Variants in GRM7 observed in about 807,000 individuals in gnomAD.
GRM7 encodes the protein glutamate metabotropic receptor 7, also known as metabotropic glutamate receptor 7.
Under a neutral mutation model 84.5 loss-of-function variants are expected in GRM7, and 35 were observed. The observed-to-expected ratio is 0.41, with a 90% CI of 0.32 to 0.55. The LOEUF (loss-of-function observed/expected upper bound fraction) is 0.55. Among genes scored for constraint, GRM7 ranks in the 20% least tolerant of loss-of-function variants. The pLI is 0.19. For synonymous variants in GRM7, 487 were observed against 455.1 expected, an observed-to-expected ratio of 1.07 and a Z score of -0.89; for missense variants, 1,003 against 1,194.6, an observed-to-expected ratio of 0.84 and a Z score of 2.36.
At chr3:7,602,080 C>CAAAAA (rs562646639) in intron 8 of GRM7, among the ~76,000 whole-genome samples, 10 of 93,790 alleles carry the variant, frequency 1.1e-4, no homozygotes, top group African/African-American at 1.7e-4. Flanking sequence ...ATTACCAGGA[C>CAAAAA]AAAAAAAAAA....
At chr3:7,407,620 T>TA (rs1695739463) in intron 4 of GRM7, among the ~76,000 whole-genome samples, 1 of 152,168 alleles carries the variant, frequency 6.6e-6, no homozygotes. Context: ...TGAGGAAAAG[T>TA]AGGTGCCGCT....
At chr3:7,111,213 G>A (rs1219389104) in intron 1 of GRM7, among the ~76,000 whole-genome samples, 1 of 152,108 alleles carries the variant, frequency 6.6e-6, no homozygotes, top group African/African-American at 2.4e-5. Context: ...CCTGCCACGA[G>A]GATGGATTCC....
At chr3:7,140,426 A>G (rs1693910546) in intron 1 of GRM7, among the ~76,000 whole-genome samples, 1 of 152,044 alleles carries the variant, frequency 6.6e-6, no homozygotes, top group Non-Finnish European at 1.5e-5. Context: ...TTAAAGGGGA[A>G]TTGTAGCACA....
At chr3:7,002,034 C>T (rs1695029373) in intron 1 of GRM7, among the ~76,000 whole-genome samples, 1 of 152,278 alleles carries the variant, frequency 6.6e-6, no homozygotes, top group Middle Eastern at 3.4e-3. Flanking sequence ...TAAGTTATAG[C>T]TGCAACATTC....
At chr3:7,609,172 A>AAGTG (rs1407086991) in intron 8 of GRM7, among the ~76,000 whole-genome samples, 1 of 152,174 alleles carries the variant, frequency 6.6e-6, no homozygotes, top group Non-Finnish European at 1.5e-5. Context: ...CAACTCCTCA[A>AAGTG]AGTGGCAAGA....
chr3:7,424,688 GCTGCACTGGGCCAGTTT>G (rs1284738375), intron 5 of GRM7, among the ~76,000 whole-genome samples: 1 of 152,162 alleles, frequency 6.6e-6, no homozygotes, highest in Non-Finnish European at 1.5e-5. Context: ...TGACAAGTGA[GCTGCACTGGGCCAGTTT>G]CTGTGCTGAG....
chr3:7,140,248 A>G (rs1693904560), intron 1 of GRM7, among the ~76,000 whole-genome samples: 1 of 152,050 alleles, frequency 6.6e-6, no homozygotes, highest in South Asian at 2.1e-4. Context: ...GTGAGAAGTT[A>G]TAAGACTAAA....
intron 7 of GRM7, among the ~76,000 whole-genome samples, chr3:7,555,100 T>C (rs1693693384): frequency 1.3e-5 from 2 of 152,228 alleles, no homozygotes. Context: ...GGTTTCTCCA[T>C]GTCTCATTCT....
intron 7 of GRM7, among the ~76,000 whole-genome samples, chr3:7,477,595 G>T (rs1430077716): frequency 6.6e-6 from 1 of 152,192 alleles, no homozygotes; most frequent in Non-Finnish European, 1.5e-5. Context: ...ACCAGACTTT[G>T]GGGCTGCATC....
intron 1 of GRM7, among the ~76,000 whole-genome samples, chr3:7,038,735 T>TA (rs1160473441): frequency 2.0e-5 from 3 of 152,312 alleles, no homozygotes; most frequent in Admixed American, 6.5e-5. Context: ...AAGAGGTTGA[T>TA]ACAATTATCA....
intron 3 of GRM7, among the ~76,000 whole-genome samples, chr3:7,300,629 C>T (rs1037479164): frequency 1.3e-5 from 2 of 152,100 alleles, no homozygotes; most frequent in Admixed American, 1.3e-4. Flanking sequence ...GTGGTATGAT[C>T]TCCCTCCCAA....
chr3:7,740,234 G>A (rs1702643880), intron 9 of GRM7, 123 bp from the exon 10 acceptor site: 1 of 624,800 alleles, frequency 1.6e-6, no homozygotes, highest in Admixed American at 3.6e-5. Flanking sequence ...TTGTCTGTGT[G>A]TGTTCTTCAG....
intron 2 of GRM7, among the ~76,000 whole-genome samples, chr3:7,282,098 A>C (rs1479578712): frequency 6.6e-6 from 1 of 152,096 alleles, no homozygotes; most frequent in Non-Finnish European, 1.5e-5. Context: ...AACAAACAAA[A>C]AACAGGTACC....
chr3:7,002,821 A>C (rs569234195), intron 1 of GRM7, among the ~76,000 whole-genome samples: 2 of 152,326 alleles, frequency 1.3e-5, no homozygotes, highest in South Asian at 4.1e-4. Context: ...ATAATAGCCA[A>C]GGTATAGAAT....
At chr3:7,049,111 T>C (rs1696903618) in intron 1 of GRM7, among the ~76,000 whole-genome samples, 1 of 151,996 alleles carries the variant, frequency 6.6e-6, no homozygotes, top group South Asian at 2.1e-4. Context: ...CTCACGTTAG[T>C]TCATTAAGCA....
intron 5 of GRM7, among the ~76,000 whole-genome samples, chr3:7,449,477 A>C (rs1165650049): frequency 1.3e-5 from 2 of 152,178 alleles, no homozygotes; most frequent in Non-Finnish European, 2.9e-5. Flanking sequence ...ATGGTTAATA[A>C]ATTTTATTGG....
intron 2 of GRM7, among the ~76,000 whole-genome samples, chr3:7,181,023 T>C (rs1169132175): frequency 6.6e-6 from 1 of 152,212 alleles, no homozygotes; most frequent in Admixed American, 6.5e-5. Flanking sequence ...CCACTAAATC[T>C]TGGCGACTTT....
At chr3:7,380,359 T>G (rs1448865990) in intron 4 of GRM7, among the ~76,000 whole-genome samples, 4 of 202 alleles carry the variant, frequency 0.02, no homozygotes, top group Non-Finnish European at 0.034. Flanking sequence ...CATATTTAGT[T>G]CAGAGGACCA....
chr3:6,932,044 G>A (rs1697520122), intron 1 of GRM7, among the ~76,000 whole-genome samples: 1 of 152,162 alleles, frequency 6.6e-6, no homozygotes, highest in Non-Finnish European at 1.5e-5. Flanking sequence ...GTAAGGTTGG[G>A]TTTTGAAGAG....
Sources: allele counts gnomAD v4.1 joint callset (sites outside exome capture counted in the v4.1 genomes callset), GRCh38; gene constraint gnomAD v4.1.1; transcripts MANE v1.5; gene names NCBI Gene and HGNC (gene_info 2026-07-23, HGNC 2026-07-21).